Variants in TENM3 observed in about 807,000 individuals in gnomAD.
TENM3 encodes the protein teneurin transmembrane protein 3.
A neutral mutation model predicts 255.1 loss-of-function variants in TENM3; 63 were observed. The observed-to-expected ratio is 0.25, with a 90% confidence interval of 0.20 to 0.30. TENM3 has a LOEUF of 0.30. Ranked by LOEUF, TENM3 falls within the 10% of genes least tolerant of loss-of-function variation. TENM3 has a pLI of 1.00. For synonymous variants in TENM3, 1,306 were observed against 1,322.3 expected (o/e 0.99, Z 0.27); for missense variants, 2,929 against 3,461.1 (o/e 0.85, Z 3.86).
intron 7 of TENM3, among the ~76,000 whole-genome samples, chr4:182,673,876 A>T (rs1755434757): frequency 6.6e-6 from 1 of 152,202 alleles, no homozygotes; most frequent in South Asian, 2.1e-4. Context: ...CACAACAGCA[A>T]TCACAGATGG....
the TENM3 span, among the ~76,000 whole-genome samples, chr4:181,634,407 A>G: frequency 7.0e-6 from 1 of 142,108 alleles, no homozygotes; most frequent in Admixed American, 7.1e-5. Context: ...TTTTTTTGCA[A>G]GAGACTTTAT....
chr4:182,595,221 A>G (rs761744438), intron 3 of TENM3, among the ~76,000 whole-genome samples: 1 of 152,128 alleles, frequency 6.6e-6, no homozygotes, highest in Non-Finnish European at 1.5e-5. Context: ...CAGAGTTGCT[A>G]TCTAGGGAAA....
chr4:182,593,253 C>A (rs909025506), intron 3 of TENM3, among the ~76,000 whole-genome samples: 1 of 152,186 alleles, frequency 6.6e-6, no homozygotes, highest in Admixed American at 6.5e-5. Flanking sequence ...AAGGAAGCCA[C>A]ATGCTGATGA....
chr4:182,505,093 A>G (rs1250384351), intron 3 of TENM3, among the ~76,000 whole-genome samples: 2 of 152,222 alleles, frequency 1.3e-5, no homozygotes, highest in African/African-American at 2.4e-5. Flanking sequence ...TTGTATCAGT[A>G]TAATCAATAT....
chr4:182,779,733 T>C (rs1448609738), intron 24 of TENM3, among the ~76,000 whole-genome samples: 2 of 152,218 alleles, frequency 1.3e-5, no homozygotes, highest in East Asian at 3.8e-4. Flanking sequence ...GTTTCCTGAC[T>C]TTTTAATGAT....
the TENM3 span, among the ~76,000 whole-genome samples, chr4:181,888,433 G>A: frequency 1.4e-5 from 2 of 144,948 alleles, no homozygotes; most frequent in Non-Finnish European, 3.0e-5. Flanking sequence ...ATTCAAATCA[G>A]GTTAAATTCA....
At chr4:182,166,532 C>T (rs1751734577) in intron 1 of TENM3, among the ~76,000 whole-genome samples, 2 of 152,166 alleles carry the variant, frequency 1.3e-5, no homozygotes, top group South Asian at 2.1e-4. Flanking sequence ...TGTCAGTTCA[C>T]CCCAAACTAC....
At chr4:181,592,387 G>A in the TENM3 span, among the ~76,000 whole-genome samples, 10 of 143,594 alleles carry the variant, frequency 7.0e-5, no homozygotes, top group Admixed American at 6.4e-4. Context: ...AGGCTGGAAT[G>A]TACCCACAAT....
the TENM3 span, among the ~76,000 whole-genome samples, chr4:182,138,574 G>A: frequency 2.6e-5 from 4 of 152,098 alleles, no homozygotes; most frequent in African/African-American, 9.7e-5. Flanking sequence ...CTGAACCCTT[G>A]TCTTGAAGAA....
At chr4:182,318,763 GT>G (rs1279724821) in intron 1 of TENM3, among the ~76,000 whole-genome samples, 1 of 152,050 alleles carries the variant, frequency 6.6e-6, no homozygotes, top group African/African-American at 2.4e-5. Flanking sequence ...TCAATCAGAA[GT>G]TTTTTATCTG....
the TENM3 span, among the ~76,000 whole-genome samples, chr4:181,781,137 A>C: frequency 1.3e-5 from 2 of 152,184 alleles, no homozygotes; most frequent in Non-Finnish European, 2.9e-5. Context: ...ACTTTAAAGT[A>C]GTTTTTTCCA....
intron 2 of TENM3, among the ~76,000 whole-genome samples, chr4:182,344,718 C>G (rs1412989170): frequency 1.3e-5 from 2 of 152,066 alleles, no homozygotes; most frequent in Non-Finnish European, 2.9e-5. Flanking sequence ...TTATTTTTCC[C>G]TCTTTAAAAA....
the TENM3 span, among the ~76,000 whole-genome samples, chr4:182,032,783 G>C: frequency 2.6e-5 from 4 of 152,072 alleles, no homozygotes; most frequent in Admixed American, 2.6e-4. Context: ...GTCTTGGGAG[G>C]TGTATGTGTC....
the TENM3 span, among the ~76,000 whole-genome samples, chr4:181,769,214 A>G: frequency 2.0e-5 from 3 of 152,352 alleles, 1 homozygote; most frequent in Middle Eastern, 6.8e-3. Flanking sequence ...TCGAAAAAGC[A>G]TAGAAATAGC....
the TENM3 span, among the ~76,000 whole-genome samples, chr4:181,485,542 T>C: frequency 2.0e-5 from 3 of 152,140 alleles, no homozygotes; most frequent in Non-Finnish European, 4.4e-5. Flanking sequence ...ACAGAATTCT[T>C]TGATGGCAAA....
At chr4:182,689,715 T>C (rs1277522077) in intron 12 of TENM3, among the ~76,000 whole-genome samples, 1 of 152,244 alleles carries the variant, frequency 6.6e-6, no homozygotes, top group Non-Finnish European at 1.5e-5. Flanking sequence ...TTTGCAGTAT[T>C]TCTGCCCAGG....
the TENM3 span, among the ~76,000 whole-genome samples, chr4:181,530,559 T>G: frequency 2.0e-5 from 3 of 152,116 alleles, no homozygotes; most frequent in East Asian, 3.9e-4. Flanking sequence ...AAAGCATTTT[T>G]CCCCCCATTG....
At chr4:182,356,428 G>A (rs1257936251) in intron 3 of TENM3, among the ~76,000 whole-genome samples, 1 of 152,130 alleles carries the variant, frequency 6.6e-6, no homozygotes, top group East Asian at 1.9e-4. Flanking sequence ...CCTTAAATGT[G>A]GCACCAGCAA....
chr4:182,769,409 T>C (rs999332376), intron 22 of TENM3, among the ~76,000 whole-genome samples: 1 of 151,876 alleles, frequency 6.6e-6, no homozygotes, highest in African/African-American at 2.4e-5. Flanking sequence ...GAAAAAGTTT[T>C]TACTCGTCCG....
Sources: gnomAD v4.1 joint callset for allele counts (sites outside exome capture counted in the v4.1 genomes callset) on GRCh38, gnomAD v4.1.1 for gene constraint, MANE v1.5 for transcripts, NCBI Gene and HGNC (gene_info 2026-07-23, HGNC 2026-07-21) for gene names.